DSCAM: variants seen among roughly 807,000 people sequenced by gnomAD.
DSCAM encodes the protein cell adhesion molecule DSCAM.
DSCAM carries 47 observed loss-of-function variants against 217.7 expected under a neutral mutation model. The observed-to-expected ratio is 0.22, with a 90% CI of 0.17 to 0.28. The LOEUF is 0.28. Among genes scored for constraint, DSCAM ranks in the 10% least tolerant of loss-of-function variants. The probability of loss-of-function intolerance (pLI) is 1.00; values close to 1 mark genes in which losing one functional copy is unlikely to be tolerated. For synonymous variants in DSCAM, 1,056 were observed against 1,015.3 expected (o/e 1.04, Z -0.76); for missense variants, 2,080 against 2,618.3 (o/e 0.79, Z 4.49).
intron 3 of DSCAM, among the ~76,000 whole-genome samples, chr21:40,555,694 G>A (rs994023463): frequency 1.1e-4 from 16 of 152,154 alleles, no homozygotes; most frequent in Non-Finnish European, 1.8e-4. Context: ...GTTCATTAGT[G>A]CAATCATAGC....
chr21:40,816,111 T>C (rs984441287), intron 1 of DSCAM, among the ~76,000 whole-genome samples: 13 of 152,334 alleles, frequency 8.5e-5, no homozygotes, highest in African/African-American at 3.1e-4. Context: ...GCAAAATCAG[T>C]TTCTAAAAAG....
chr21:40,578,752 A>G (rs921638082), intron 3 of DSCAM, among the ~76,000 whole-genome samples: 6 of 152,180 alleles, frequency 3.9e-5, no homozygotes, highest in Non-Finnish European at 8.8e-5. Flanking sequence ...ACAAGAACCC[A>G]TAGGAAGGAA....
At chr21:40,568,467 C>G (rs564689824) in intron 3 of DSCAM, among the ~76,000 whole-genome samples, 3 of 152,276 alleles carry the variant, frequency 2.0e-5, no homozygotes, top group South Asian at 4.1e-4. Context: ...CCACAGACCA[C>G]TGCAGGCACA....
intron 8 of DSCAM, among the ~76,000 whole-genome samples, chr21:40,318,116 A>G (rs577661979): frequency 2.1e-5 from 3 of 145,526 alleles, no homozygotes; most frequent in South Asian, 2.3e-4. Flanking sequence ...GTTCTCACTC[A>G]TAGATGGGAA....
chr21:40,745,046 C>A (rs1429430344), intron 1 of DSCAM, among the ~76,000 whole-genome samples: 1 of 152,056 alleles, frequency 6.6e-6, no homozygotes, highest in Non-Finnish European at 1.5e-5. Context: ...TATTCGAAAT[C>A]TTCAATAGCA....
chr21:40,726,347 A>C (rs1008325300), intron 1 of DSCAM, among the ~76,000 whole-genome samples: 2 of 152,214 alleles, frequency 1.3e-5, no homozygotes, highest in African/African-American at 4.8e-5. Flanking sequence ...ACATAGTCAT[A>C]ATAATGTAAA....
At chr21:40,438,190 G>T (rs548041024) in intron 3 of DSCAM, among the ~76,000 whole-genome samples, 268 of 152,248 alleles carry the variant, frequency 1.8e-3, no homozygotes, top group African/African-American at 6.3e-3. Context: ...AAGGAGATGA[G>T]ATAATTTTTG....
chr21:40,045,875 G>A (rs1352355006), intron 30 of DSCAM, among the ~76,000 whole-genome samples: 1 of 151,362 alleles, frequency 6.6e-6, no homozygotes, highest in Non-Finnish European at 1.5e-5. Flanking sequence ...CAGGGCAGGG[G>A]CAATGGTATC....
chr21:40,139,469 C>A (rs1228278353), intron 18 of DSCAM, among the ~76,000 whole-genome samples: 6 of 151,920 alleles, frequency 3.9e-5, no homozygotes, highest in African/African-American at 9.7e-5. Context: ...GGAAGGGTTG[C>A]GTTCTTCTGA....
intron 3 of DSCAM, among the ~76,000 whole-genome samples, chr21:40,468,512 A>G (rs576806036): frequency 3.3e-5 from 5 of 152,124 alleles, no homozygotes; most frequent in Non-Finnish European, 7.3e-5. Context: ...AGTAAATGGA[A>G]AAACAGCAAA....
At position 40,515,083 on chromosome 21, in the gene DSCAM, T is replaced by C. The variant is rs115534529; in HGVS notation, c.509-145838A>G. 9.5e-3 allele frequency among the ~76,000 whole-genome samples: 1,449 copies of C among 152,358 alleles called. 31 individuals are homozygous for C. Among genetic ancestry groups the C allele is most frequent in the African/African-American group, 0.032 (1,336 of 41,584 alleles). On this transcript the variant is annotated intron_variant, in intron 3 of 32. Coordinates refer to ENST00000400454, the MANE Select transcript of DSCAM (RefSeq NM_001389.5). ...GTAAAGGCTACTTCTTATTTCAGAA[T>C]ATTAGTAGGGTAATTCCTACTATAA...
chr21:40,411,626 G>C (rs62223837), intron 3 of DSCAM, among the ~76,000 whole-genome samples: 1,749 of 152,096 alleles, frequency 0.011, 21 homozygotes, highest in South Asian at 0.024. Flanking sequence ...CTCAACATAA[G>C]TTATAATAGC....
rs570596988 is a variant in DSCAM at position 40,381,011 on chromosome 21, C to T, written c.509-11766G>A. On this transcript the variant is annotated intron_variant, in intron 3 of 32. Coordinates refer to ENST00000400454, the MANE Select transcript of DSCAM (RefSeq NM_001389.5). ...CCGGGAGGCGGAGCCTGCAGTGAGC[C>T]GAGATCGTGCCACTGCACTCCAGCC... Among the ~76,000 whole-genome samples, 604 of 133,188 alleles carry T rather than the reference C, an allele frequency of 4.5e-3. 2 individuals carry two copies. Among genetic ancestry groups the T allele is most frequent in the Middle Eastern group, 0.011 (2 of 188 alleles). The allele number at this position is 133,188 out of a possible 152,430, so 87.4% of individuals were successfully genotyped here. A position where few individuals can be genotyped will look rare whatever the true frequency, so the allele number is the denominator to read the frequency against.
chr21:40,277,952 C>G (rs974563091), intron 10 of DSCAM, among the ~76,000 whole-genome samples: 5 of 150,848 alleles, frequency 3.3e-5, no homozygotes, highest in African/African-American at 4.9e-5. Context: ...TATTTACTGA[C>G]AGATAACATG....
chr21:40,702,956 CTA>C (rs1450293302), intron 2 of DSCAM, among the ~76,000 whole-genome samples: 1 of 152,054 alleles, frequency 6.6e-6, no homozygotes, highest in Admixed American at 6.6e-5. Flanking sequence ...TTACTTCTGC[CTA>C]TGTTACAAAC....
intron 11 of DSCAM, among the ~76,000 whole-genome samples, chr21:40,238,956 A>G (rs930655191): frequency 1.3e-5 from 2 of 152,204 alleles, no homozygotes; most frequent in Non-Finnish European, 2.9e-5. Flanking sequence ...CCACTCTGAA[A>G]AAAAGTAGAT....
At chr21:40,193,193 T>A (rs2090970285) in intron 11 of DSCAM, among the ~76,000 whole-genome samples, 1 of 152,160 alleles carries the variant, frequency 6.6e-6, no homozygotes, top group Non-Finnish European at 1.5e-5. Flanking sequence ...GAGTAGAGAT[T>A]GGGTGCACCT....
At chr21:40,068,009 C>T (rs1460570703) in intron 27 of DSCAM, among the ~76,000 whole-genome samples, 1 of 152,068 alleles carries the variant, frequency 6.6e-6, no homozygotes, top group Non-Finnish European at 1.5e-5. Context: ...GAGATTCAGA[C>T]TTCGCGACAT....
intron 3 of DSCAM, among the ~76,000 whole-genome samples, chr21:40,453,040 TTGTGTGTGTGTG>T (rs3069917): frequency 0.048 from 6,479 of 134,328 alleles, 290 homozygotes; most frequent in East Asian, 0.12. Flanking sequence ...TTTAAAGACT[TTGTGTGTGTGTG>T]TGTGTGTGTG....
Sources: gnomAD v4.1 joint callset for allele counts (sites outside exome capture counted in the v4.1 genomes callset) on GRCh38, gnomAD v4.1.1 for gene constraint, MANE v1.5 for transcripts, NCBI Gene and HGNC (gene_info 2026-07-23, HGNC 2026-07-21) for gene names.